The following CYGB variants were observed in gnomAD, a reference collection of about 807,000 sequenced individuals.
CYGB encodes histoglobin.
A neutral mutation model predicts 20.7 loss-of-function variants in CYGB; 13 were observed. The ratio of observed to expected loss-of-function variants is 0.63; its 90% CI spans 0.41 to 1.00. The LOEUF is 1.00. CYGB is among the 50% of genes least tolerant of loss of function. CYGB has a pLI of 0.00. For missense variants in CYGB, 218 were observed against 257.2 expected (o/e 0.85, Z 1.04); for synonymous variants, 93 against 107.4 (o/e 0.87, Z 0.83).
At chr17:76,538,812 A>T (rs1041621431), upstream of CYGB, among the ~76,000 whole-genome samples, 1 of 152,252 alleles carries the variant, frequency 6.6e-6, no homozygotes, top group African/African-American at 2.4e-5. Flanking sequence ...AGGGCCTGGC[A>T]GTGTTGGGAA....
upstream of CYGB, chr17:76,538,481 C>T (rs1598209626): frequency 8.6e-6 from 4 of 465,908 alleles, no homozygotes; most frequent in African/African-American, 2.0e-5. Context: ...CCAGAAGTCC[C>T]CCGTGGCTTA....
chr17:76,535,952 C>T (rs1215268038), intron 1 of CYGB, among the ~76,000 whole-genome samples: 1 of 152,178 alleles, frequency 6.6e-6, no homozygotes, highest in African/African-American at 2.4e-5. Context: ...CATGCAAGGC[C>T]GGTGGGCTGC....
At chr17:76,543,756 G>A (rs773905784) in intron 1 of CYGB, 40 of 469,826 alleles carry the variant, frequency 8.5e-5, no homozygotes, top group South Asian at 5.7e-4. Context: ...TGCTGGTGTC[G>A]GTTTGCCACA....
Position 76,528,453 on chromosome 17 carries a change from C to T in CYGB, c.*125G>A, listed in dbSNP as rs781268131. On this transcript the variant is annotated 3_prime_UTR_variant, in exon 4 of 4. Coordinates refer to ENST00000293230, the MANE Select transcript of CYGB (RefSeq NM_134268.5). This position sits in a 1 kb window ranked among gnomAD's most constrained non-coding sequence, Gnocchi z 5.8. The stretch of plus-strand genomic sequence containing the variant: ...CCCTGGCCGCCACAGAGGCCTCCTT[C>T]GGGGAAGTTGAGTCAGGGATTCCTC... 4.6e-5 allele frequency: 44 copies of T among 947,946 alleles called. No individual in the cohort carries two copies. The East Asian group carries it at 8.9e-4, about 19-fold the overall frequency. 58.7% of individuals were successfully genotyped at this position (947,946 alleles called of 1,614,324 possible). A position where few individuals can be genotyped will look rare whatever the true frequency, so the allele number is the denominator to read the frequency against.
upstream of CYGB, chr17:76,540,296 G>A: frequency 2.1e-6 from 3 of 1,458,612 alleles, no homozygotes; most frequent in East Asian, 7.4e-5. The surrounding 1 kb of genome is among the most constrained non-coding windows in gnomAD (Gnocchi z 5.0). Flanking sequence ...GCTGAAGGTG[G>A]GCAGGGGCTG....
rs998389483 is a variant in CYGB, at chr17:76,528,924, G to A, written c.540-313C>T. ...ACTGCAAAGCACGATACCAATGTGA[G>A]CTCTTTTTCCATTAATTCTGAAACG... On this transcript the variant is annotated intron_variant, in intron 3 of 3. Coordinates refer to ENST00000293230, the MANE Select transcript of CYGB (RefSeq NM_134268.5). This position sits in a 1 kb window ranked among gnomAD's most constrained non-coding sequence, Gnocchi z 5.8. 3 of 1,158,730 alleles carry A rather than the reference G, an allele frequency of 2.6e-6. No individual in the cohort carries two copies. The highest frequency in any genetic ancestry group is 3.2e-5 in the African/African-American group (2 of 62,848). 71.8% of individuals were successfully genotyped at this position (1,158,730 alleles called of 1,614,324 possible).
At chr17:76,536,788 T>C (rs2074918281) in intron 1 of CYGB, among the ~76,000 whole-genome samples, 1 of 152,160 alleles carries the variant, frequency 6.6e-6, no homozygotes, top group Non-Finnish European at 1.5e-5. Context: ...GATTGTATCC[T>C]AGGGGACTGT....
rs929180613 is a variant in CYGB, at chr17:76,533,099, C to A, written c.144-1408G>T. 2.0e-5 allele frequency among the ~76,000 whole-genome samples: 3 copies of A among 152,180 alleles called. No homozygotes were observed. Among genetic ancestry groups the A allele is most frequent in the African/African-American group, 4.8e-5 (2 of 41,452 alleles). On this transcript the variant is annotated intron_variant, in intron 1 of 3. Coordinates refer to ENST00000293230, the MANE Select transcript of CYGB (RefSeq NM_134268.5). This position sits in a 1 kb window ranked among gnomAD's most constrained non-coding sequence, Gnocchi z 4.5. ...GAACAGATGCGGAGAGGGCATCTGGCCGGGTCATCCCTGCTGCTGGTGGAA... is the reference window on the plus strand; with the variant it reads ...GAACAGATGCGGAGAGGGCATCTGGACGGGTCATCCCTGCTGCTGGTGGAA...
At chr17:76,536,448 G>A (rs931103092) in intron 1 of CYGB, among the ~76,000 whole-genome samples, 5 of 152,142 alleles carry the variant, frequency 3.3e-5, no homozygotes, top group Non-Finnish European at 5.9e-5. Flanking sequence ...CCAAGAAGAG[G>A]GGCTTGAGGG....
Position 76,546,383 on chromosome 17 carries a change from TG to T in CYGB, c.-53+4478del. 6.6e-6 allele frequency: 1 copy of T among 152,320 alleles called. No individual in the cohort carries two copies. Among genetic ancestry groups the T allele is most frequent in the East Asian group, 1.9e-4 (1 of 5,170 alleles). The allele number at this position is 152,320 out of a possible 1,614,324, so 9.4% of individuals were successfully genotyped here. A position where few individuals can be genotyped will look rare whatever the true frequency, so the allele number is the denominator to read the frequency against. On this transcript the variant is annotated intron_variant, in intron 1 of 3. Coordinates refer to the CYGB transcript ENST00000589145. The surrounding 1 kb of genome is among the most constrained non-coding windows in gnomAD (Gnocchi z 4.5). ...CAGCTGTGGCTGTCCACTGTCACCCTGGGGTGTAGATGTCACCTTGGGGAGT... is the reference window on the plus strand; with the variant it reads ...CAGCTGTGGCTGTCCACTGTCACCCTGGGTGTAGATGTCACCTTGGGGAGT...
upstream of CYGB, among the ~76,000 whole-genome samples, chr17:76,539,650 A>G (rs188367765): frequency 6.6e-6 from 1 of 152,238 alleles, no homozygotes; most frequent in African/African-American, 2.4e-5. Context: ...CCATGCTTTC[A>G]TGTCAGTAGC....
At position 76,545,130 on chromosome 17, in the gene CYGB, C is replaced by G. The variant is rs139602114; in HGVS notation, c.-53+5732G>C. ...AGATTGTGTTTACACCTTCCCCGCACACCCAGCCCACGCTCGCCTCTTATT... is the reference window on the plus strand; with the variant it reads ...AGATTGTGTTTACACCTTCCCCGCAGACCCAGCCCACGCTCGCCTCTTATT... On this transcript the variant is annotated intron_variant, in intron 1 of 3. Transcript: ENST00000589145. 1,244 of 456,614 alleles carry G rather than the reference C, an allele frequency of 2.7e-3. 4 individuals carry two copies. Among genetic ancestry groups the G allele is most frequent in the Non-Finnish European group, 4.1e-3 (930 of 226,984 alleles). 28.3% of individuals were successfully genotyped at this position (456,614 alleles called of 1,614,324 possible). A position where few individuals can be genotyped will look rare whatever the true frequency, so the allele number is the denominator to read the frequency against.
upstream of CYGB, chr17:76,537,974 C>G (rs1406184702): frequency 6.6e-6 from 1 of 150,650 alleles, no homozygotes; most frequent in African/African-American, 2.4e-5. Context: ...CTGGGGGTCC[C>G]GGGAGGAATG....
upstream of CYGB, among the ~76,000 whole-genome samples, chr17:76,542,134 G>C (rs2074999171): frequency 6.6e-6 from 1 of 152,170 alleles, no homozygotes; most frequent in African/African-American, 2.4e-5. Flanking sequence ...CTCATTTGTG[G>C]CTAATGCGGG....
At chr17:76,549,554 C>T (rs537881115) in intron 1 of CYGB, among the ~76,000 whole-genome samples, 1 of 152,320 alleles carries the variant, frequency 6.6e-6, no homozygotes, top group East Asian at 1.9e-4. Flanking sequence ...CTTGGGAAAC[C>T]AGCATGGTGG....
At chr17:76,534,321 G>A (rs2074890135) in intron 1 of CYGB, among the ~76,000 whole-genome samples, 1 of 152,084 alleles carries the variant, frequency 6.6e-6, no homozygotes, top group Non-Finnish European at 1.5e-5. Context: ...TGGGATTACA[G>A]GTGCCCGCCA....
chr17:76,532,452 G>C (rs2143090586), intron 1 of CYGB, among the ~76,000 whole-genome samples: 1 of 151,968 alleles, frequency 6.6e-6, no homozygotes, highest in East Asian at 1.9e-4. Context: ...CAGCGTGTCA[G>C]ACTGGATCCC....
At position 76,531,610 on chromosome 17, in the gene CYGB, G is replaced by A. The variant is rs143488120; in HGVS notation, c.225C>T (p.Ser75=). Residue 75 remains serine (S), a synonymous_variant, in exon 2 of 4, where the codon AGC becomes AGT. Transcript: ENST00000293230. This position sits in a 1 kb window ranked among gnomAD's most constrained non-coding sequence, Gnocchi z 7.4. The stretch of plus-strand genomic sequence containing the variant: ...GGCAGGCGTGCTTCCGCAGCTGGGG[G>A]CTCCGCTCCATCTCCAGGGGATCCT... ...HMEDPLEMER[S]PQLRKHACRV... The A allele has an allele frequency of 1.4e-5, 23 of 1,613,470 alleles. No homozygotes were observed. The African/African-American group carries it at 2.4e-4, about 17-fold the overall frequency.
upstream of CYGB, chr17:76,537,716 G>T: frequency 2.7e-6 from 1 of 371,460 alleles, no homozygotes; most frequent in Non-Finnish European, 3.7e-6. Flanking sequence ...GTGTGTGTGT[G>T]CGTGCGTGTG....
Sources: allele counts gnomAD v4.1 joint callset (sites outside exome capture counted in the v4.1 genomes callset), GRCh38; gene constraint gnomAD v4.1.1; non-coding constraint Gnocchi (gnomAD v3.1); transcripts MANE v1.5; gene names NCBI Gene and HGNC (gene_info 2026-07-23, HGNC 2026-07-21).